Variants in THRB observed in about 807,000 individuals in gnomAD.
THRB encodes nuclear receptor subfamily 1 group A member 2.
Under a neutral mutation model 47.8 loss-of-function variants are expected in THRB, and 12 were observed. The observed-to-expected ratio is 0.25, with a 90% CI of 0.16 to 0.41. THRB has a LOEUF of 0.41. Among genes scored for constraint, THRB ranks in the 10% least tolerant of loss-of-function variants. The pLI, the probability that THRB is intolerant of heterozygous loss-of-function variation, is 1.00. For synonymous variants in THRB, 218 were observed against 212.2 expected (o/e 1.03, Z -0.24); for missense variants, 348 against 589.2 (o/e 0.59, Z 4.24).
chr3:24,178,920 T>C (rs564874146), intron 5 of THRB, among the ~76,000 whole-genome samples: 60 of 152,362 alleles, frequency 3.9e-4, no homozygotes, highest in African/African-American at 1.4e-3. Flanking sequence ...CTGTATAATG[T>C]GGCAAAACAT....
chr3:24,323,227 G>GTT (rs200089945), intron 2 of THRB, among the ~76,000 whole-genome samples: 2 of 141,558 alleles, frequency 1.4e-5, no homozygotes, highest in African/African-American at 5.1e-5. Flanking sequence ...ACGGTTTTTG[G>GTT]TTTTTTTTTT....
At chr3:24,296,188 T>G (rs1298274909) in intron 3 of THRB, among the ~76,000 whole-genome samples, 3 of 152,224 alleles carry the variant, frequency 2.0e-5, no homozygotes, top group Non-Finnish European at 4.4e-5. Flanking sequence ...TAGAATTAAC[T>G]ATAAGCATTA....
At chr3:24,300,967 T>C (rs1469878032) in intron 2 of THRB, among the ~76,000 whole-genome samples, 1 of 152,182 alleles carries the variant, frequency 6.6e-6, no homozygotes, top group Non-Finnish European at 1.5e-5. Context: ...CATGAAATTA[T>C]CCTGGCTTAT....
At chr3:24,361,376 A>T (rs2064052895) in intron 1 of THRB, among the ~76,000 whole-genome samples, 1 of 152,178 alleles carries the variant, frequency 6.6e-6, no homozygotes, top group Non-Finnish European at 1.5e-5. Context: ...CATAATACAC[A>T]GCCCAAAATA....
chr3:24,492,647 G>A (rs777205901), intron 1 of THRB, among the ~76,000 whole-genome samples: 22 of 152,174 alleles, frequency 1.4e-4, no homozygotes, highest in Non-Finnish European at 3.1e-4. Flanking sequence ...AGCTTTCTCT[G>A]CTTTTAAGGC....
chr3:24,412,915 AT>A (rs368499305), intron 1 of THRB, among the ~76,000 whole-genome samples: 43 of 151,980 alleles, frequency 2.8e-4, no homozygotes, highest in South Asian at 2.1e-3. Context: ...TGAGAAAAAA[AT>A]CTAATTGTAT....
intron 1 of THRB, among the ~76,000 whole-genome samples, chr3:24,466,961 T>C (rs2074205206): frequency 6.6e-6 from 1 of 152,226 alleles, no homozygotes; most frequent in Non-Finnish European, 1.5e-5. Flanking sequence ...GAAATGTTTC[T>C]CTGTAGTGTA....
chr3:24,258,939 G>C (rs569945255), intron 3 of THRB, among the ~76,000 whole-genome samples: 1 of 152,274 alleles, frequency 6.6e-6, no homozygotes, highest in East Asian at 1.9e-4. Flanking sequence ...AGGAACTCCA[G>C]AGATCGCTTG....
intron 1 of THRB, among the ~76,000 whole-genome samples, chr3:24,446,017 G>GA (rs1260659595): frequency 1.3e-5 from 2 of 151,978 alleles, no homozygotes; most frequent in East Asian, 3.8e-4. Context: ...TATATGCAGA[G>GA]AAAAAAACTG....
At chr3:24,278,127 C>T (rs1040623643) in intron 3 of THRB, among the ~76,000 whole-genome samples, 1 of 152,130 alleles carries the variant, frequency 6.6e-6, no homozygotes, top group African/African-American at 2.4e-5. Flanking sequence ...TTAAAGGGAA[C>T]TGAATTACAG....
At chr3:24,276,808 C>T (rs926616161) in intron 3 of THRB, among the ~76,000 whole-genome samples, 10 of 152,108 alleles carry the variant, frequency 6.6e-5, no homozygotes, top group South Asian at 2.1e-4. Context: ...GAGGGAAAGT[C>T]GTATGTGCTC....
chr3:24,254,722 T>G (rs1230726246), intron 3 of THRB, among the ~76,000 whole-genome samples: 1 of 152,238 alleles, frequency 6.6e-6, no homozygotes, highest in Non-Finnish European at 1.5e-5. Flanking sequence ...TTGAGTGCTA[T>G]AAGGCAGTTC....
intron 5 of THRB, among the ~76,000 whole-genome samples, chr3:24,169,568 A>G (rs2149335361): frequency 6.6e-6 from 1 of 151,960 alleles, no homozygotes; most frequent in Middle Eastern, 3.4e-3. Flanking sequence ...AGATAACGGT[A>G]GTCACTTCAT....
chr3:24,212,800 G>A (rs1253657090), intron 4 of THRB, among the ~76,000 whole-genome samples: 2 of 152,154 alleles, frequency 1.3e-5, no homozygotes, highest in African/African-American at 4.8e-5. Context: ...CCCTCATCTA[G>A]ATGAAGCGAC....
chr3:24,487,673 G>C (rs1181354647), intron 1 of THRB, among the ~76,000 whole-genome samples: 2 of 152,170 alleles, frequency 1.3e-5, no homozygotes, highest in Non-Finnish European at 1.5e-5. Flanking sequence ...TGATTTAAAA[G>C]CTGAGCATGG....
chr3:24,184,138 T>G lies in THRB; in HGVS notation c.283+5936A>C, dbSNP rs12630037. The stretch of plus-strand genomic sequence containing the variant: ...TTAATGCATGCTTACTTTCAATAAG[T>G]ATTCCTAAAATCACTTCTTTTAAAA... On this transcript the variant is annotated intron_variant, in intron 5 of 10. Transcript: ENST00000646209. 5.3e-5 allele frequency among the ~76,000 whole-genome samples: 8 copies of G among 152,352 alleles called. No individual in the cohort carries two copies. In the East Asian group the frequency reaches 1.5e-3, roughly 29 times the overall value.
chr3:24,478,639 G>A (rs1266115454), intron 1 of THRB, among the ~76,000 whole-genome samples: 1 of 152,176 alleles, frequency 6.6e-6, no homozygotes, highest in African/African-American at 2.4e-5. Context: ...CAGAGTACAA[G>A]TGTAGGACAA....
chr3:24,393,685 G>A (rs985717869), intron 1 of THRB, among the ~76,000 whole-genome samples: 2 of 152,104 alleles, frequency 1.3e-5, no homozygotes, highest in Admixed American at 6.6e-5. Context: ...AAATGCTGAC[G>A]TATCAGCAAA....
At chr3:24,319,950 A>G (rs963589696) in intron 2 of THRB, among the ~76,000 whole-genome samples, 2 of 152,228 alleles carry the variant, frequency 1.3e-5, no homozygotes, top group Non-Finnish European at 2.9e-5. Flanking sequence ...AAAGACATCC[A>G]CTGCTCTGGA....
Sources: gnomAD v4.1 joint callset for allele counts (sites outside exome capture counted in the v4.1 genomes callset) on GRCh38, gnomAD v4.1.1 for gene constraint, MANE v1.5 for transcripts, NCBI Gene and HGNC (gene_info 2026-07-23, HGNC 2026-07-21) for gene names.